Variants in ADCY8 observed in about 807,000 individuals in gnomAD.
ADCY8 encodes the protein adenylate cyclase 8.
ADCY8 carries 51 observed loss-of-function variants against 119.7 expected under a neutral mutation model. That is an observed-to-expected ratio of 0.43 (90% CI 0.34 to 0.54). The LOEUF (loss-of-function observed/expected upper bound fraction) is 0.54, where lower values mean the gene tolerates loss of function less well. Among genes scored for constraint, ADCY8 ranks in the 20% least tolerant of loss-of-function variants. The pLI is 0.03. For synonymous variants in ADCY8, 665 were observed against 651.0 expected, an observed-to-expected ratio of 1.02 and a Z score of -0.33; for missense variants, 1,383 against 1,598.8, an observed-to-expected ratio of 0.87 and a Z score of 2.30.
At position 131,040,495 on chromosome 8, in the gene ADCY8, G is replaced by A. The variant is rs1824357930; in HGVS notation, c.-162C>T. 1.2e-5 allele frequency: 10 copies of A among 856,688 alleles called. No homozygotes were observed. The highest frequency in any genetic ancestry group is 1.6e-5 in the Non-Finnish European group (10 of 624,248). 53.1% of individuals were successfully genotyped at this position (856,688 alleles called of 1,614,324 possible). On this transcript the variant is annotated 5_prime_UTR_variant, in exon 1 of 18. Coordinates refer to ENST00000286355, the MANE Select transcript of ADCY8 (RefSeq NM_001115.3). ...TGCGCTAGGGCTCCCTGTAGGTCGGGTCATACTGTGCCCAGGGGCAAAGGG... is the reference window on the plus strand; with the variant it reads ...TGCGCTAGGGCTCCCTGTAGGTCGGATCATACTGTGCCCAGGGGCAAAGGG...
chr8:130,971,428 T>A (rs1488662392), intron 2 of ADCY8, among the ~76,000 whole-genome samples: 4 of 152,182 alleles, frequency 2.6e-5, no homozygotes, highest in Non-Finnish European at 1.5e-5. Flanking sequence ...TTCTGTGTTT[T>A]CTCATTCCCA....
At chr8:130,803,349 A>G (rs1030787) in intron 14 of ADCY8, among the ~76,000 whole-genome samples, 26,542 of 152,206 alleles carry the variant, frequency 0.17, 2,904 homozygotes, top group African/African-American at 0.31. Context: ...ACTCTACAGT[A>G]TAGCCCTTGC....
At chr8:130,940,513 CA>C (rs1178277733) in intron 4 of ADCY8, among the ~76,000 whole-genome samples, 1 of 151,190 alleles carries the variant, frequency 6.6e-6, no homozygotes, top group African/African-American at 2.4e-5. Context: ...TTATTTTATA[CA>C]AAAAAATAAA....
At chr8:130,909,574 GT>G (rs1215398612) in intron 6 of ADCY8, 133 bp downstream of exon 6, 26 of 1,048,220 alleles carry the variant, frequency 2.5e-5, no homozygotes, top group Admixed American at 8.6e-5. Flanking sequence ...GTTGTATGAT[GT>G]TTCAGTGTCT....
intron 2 of ADCY8, among the ~76,000 whole-genome samples, chr8:130,957,726 G>C (rs1403317906): frequency 6.6e-6 from 1 of 152,208 alleles, no homozygotes; most frequent in Non-Finnish European, 1.5e-5. Flanking sequence ...TGTCCCAGCA[G>C]CTCTAGATGT....
At chr8:130,922,462 C>T (rs1465912668) in intron 5 of ADCY8, among the ~76,000 whole-genome samples, 1 of 152,128 alleles carries the variant, frequency 6.6e-6, no homozygotes, top group African/African-American at 2.4e-5. Flanking sequence ...ACATCTTGCA[C>T]CGCCCTTAAT....
In ADCY8 at chr8:130,839,917, G is replaced by A. The variant is rs1054912450; in HGVS notation, c.2503-3468C>T. 1.2e-4 allele frequency among the ~76,000 whole-genome samples: 17 copies of A among 140,104 alleles called. 1 individual carries two copies. The highest frequency in any genetic ancestry group is 1.1e-3 in the South Asian group (4 of 3,510). The allele number at this position is 140,104 out of a possible 152,430, so 91.9% of individuals were successfully genotyped here. A position where few individuals can be genotyped will look rare whatever the true frequency, so the allele number is the denominator to read the frequency against. On this transcript the variant is annotated intron_variant, in intron 11 of 17. Coordinates refer to ENST00000286355, the MANE Select transcript of ADCY8 (RefSeq NM_001115.3). ...GGTCAGTGCCTAAGAAATAAATTGC[G>A]GTAGGGTAGAATATACGATGTATCA... is the stretch of plus-strand genomic sequence containing the variant.
intron 2 of ADCY8, among the ~76,000 whole-genome samples, chr8:130,976,475 T>C (rs1444612694): frequency 6.6e-6 from 1 of 152,234 alleles, no homozygotes. Context: ...TTTCCATAGA[T>C]ACCTGATTAT....
intron 11 of ADCY8, among the ~76,000 whole-genome samples, chr8:130,843,112 A>T (rs1817197813): frequency 6.6e-6 from 1 of 152,110 alleles, no homozygotes; most frequent in Non-Finnish European, 1.5e-5. Context: ...AAAAGGTTTG[A>T]TCTCTTTGGA....
At chr8:130,988,142 C>T (rs1822460847) in intron 2 of ADCY8, among the ~76,000 whole-genome samples, 1 of 152,200 alleles carries the variant, frequency 6.6e-6, no homozygotes. Flanking sequence ...CCAGGGCAAT[C>T]TCATTTGAAA....
chr8:130,886,966 T>C (rs931826382), intron 7 of ADCY8, among the ~76,000 whole-genome samples: 2 of 141,060 alleles, frequency 1.4e-5, no homozygotes, highest in Non-Finnish European at 3.1e-5. Flanking sequence ...GACCATTATG[T>C]AATAGAAGAA....
intron 12 of ADCY8, among the ~76,000 whole-genome samples, chr8:130,833,889 T>C (rs1199091339): frequency 6.6e-6 from 1 of 152,142 alleles, no homozygotes; most frequent in Non-Finnish European, 1.5e-5. Flanking sequence ...ACTTGAGGTG[T>C]GTGTGTGTGA....
chr8:130,903,212 G>T (rs1030792059), intron 7 of ADCY8, among the ~76,000 whole-genome samples: 7 of 152,108 alleles, frequency 4.6e-5, no homozygotes, highest in African/African-American at 1.7e-4. Flanking sequence ...CATAGAAGAT[G>T]CAAATCCATG....
chr8:130,939,212 C>T (rs929002077), intron 4 of ADCY8, among the ~76,000 whole-genome samples: 2 of 151,914 alleles, frequency 1.3e-5, no homozygotes, highest in Non-Finnish European at 2.9e-5. Context: ...AACACCAGAA[C>T]TACTGGAAAG....
chr8:130,937,838 G>T (rs1323227386), intron 4 of ADCY8, among the ~76,000 whole-genome samples: 1 of 152,084 alleles, frequency 6.6e-6, no homozygotes, highest in African/African-American at 2.4e-5. Flanking sequence ...ACTAATAATA[G>T]CTCCTATTAT....
chr8:130,933,999 A>G (rs1236254456), intron 5 of ADCY8, among the ~76,000 whole-genome samples: 2 of 152,180 alleles, frequency 1.3e-5, no homozygotes, highest in East Asian at 3.9e-4. Flanking sequence ...TTGTTCCCCT[A>G]AAGGACACCC....
At chr8:130,921,194 C>T (rs1820290878) in intron 5 of ADCY8, among the ~76,000 whole-genome samples, 1 of 152,054 alleles carries the variant, frequency 6.6e-6, no homozygotes, top group Non-Finnish European at 1.5e-5. Flanking sequence ...ATTAAAACTA[C>T]TCAATTTCAT....
At chr8:130,917,116 A>C (rs1393212866) in intron 5 of ADCY8, among the ~76,000 whole-genome samples, 2 of 152,176 alleles carry the variant, frequency 1.3e-5, no homozygotes, top group Non-Finnish European at 2.9e-5. Context: ...ATAGATGAGC[A>C]AACTGAGGCT....
chr8:130,892,510 C>G (rs1819223543), intron 7 of ADCY8: 1 of 152,188 alleles, frequency 6.6e-6, no homozygotes. Context: ...ATTGGAACCC[C>G]ACAACCTCAC....
Sources: gnomAD v4.1 joint callset for allele counts (sites outside exome capture counted in the v4.1 genomes callset) on GRCh38, gnomAD v4.1.1 for gene constraint, MANE v1.5 for transcripts, NCBI Gene and HGNC (gene_info 2026-07-23, HGNC 2026-07-21) for gene names.